The following DENND4A variants were observed in gnomAD, a reference collection of about 807,000 sequenced individuals.
The protein encoded by DENND4A is C-myc promoter-binding protein.
A neutral mutation model predicts 199.3 loss-of-function variants in DENND4A; 70 were observed. The observed-to-expected ratio is 0.35, with a 90% CI of 0.29 to 0.43. The LOEUF is 0.43. Ranked by LOEUF, DENND4A falls within the 20% of genes least tolerant of loss-of-function variation. The pLI, the probability that DENND4A is intolerant of heterozygous loss-of-function variation, is 1.00. For missense variants in DENND4A, 1,723 were observed against 2,255.8 expected (o/e 0.76, Z 4.78); for synonymous variants, 686 against 766.9 (o/e 0.89, Z 1.74).
chr15:65,673,487 A>C (rs1851886998), intron 24 of DENND4A, among the ~76,000 whole-genome samples: 2 of 151,750 alleles, frequency 1.3e-5, no homozygotes, highest in Non-Finnish European at 2.9e-5. Flanking sequence ...TGATAAACAA[A>C]GGTTAAAAAA....
intron 11 of DENND4A, among the ~76,000 whole-genome samples, chr15:65,723,960 T>C (rs1385719497): frequency 6.6e-6 from 1 of 152,056 alleles, no homozygotes; most frequent in Non-Finnish European, 1.5e-5. Flanking sequence ...TACAACACAG[T>C]TGGTCTCTAA....
At chr15:65,750,990 T>C (rs1473052693) in intron 4 of DENND4A, among the ~76,000 whole-genome samples, 2 of 152,196 alleles carry the variant, frequency 1.3e-5, no homozygotes, top group East Asian at 3.8e-4. Flanking sequence ...TCTGTTCTTG[T>C]ATATCTAAAC....
chr15:65,761,105 A>G (rs1365653035), intron 2 of DENND4A, among the ~76,000 whole-genome samples: 1 of 152,220 alleles, frequency 6.6e-6, no homozygotes, highest in African/African-American at 2.4e-5. Flanking sequence ...AACGCAGGAA[A>G]TAACTACTAA....
chr15:65,766,132 T>A (rs2076978463), intron 1 of DENND4A, among the ~76,000 whole-genome samples: 1 of 151,368 alleles, frequency 6.6e-6, no homozygotes, highest in Non-Finnish European at 1.5e-5. Flanking sequence ...ACGCCTGTAG[T>A]CCCAGCTACT....
intron 7 of DENND4A, among the ~76,000 whole-genome samples, chr15:65,736,737 T>C (rs541565556): frequency 1.4e-4 from 21 of 152,276 alleles, no homozygotes; most frequent in Admixed American, 6.5e-4. Flanking sequence ...TACATATCTG[T>C]GGGAGGCCAG....
rs143433667 is a variant in DENND4A at position 65,688,780 on chromosome 15, C to T, written c.4179+1635G>A. ...TGTGACTGCCCTTGGGGCAAAGATG[C>T]ATGAGGAAAGGAAATGATAAACTCA... On this transcript the variant is annotated intron_variant, in intron 23 of 32. Transcript: ENST00000443035. 4.2e-3 allele frequency among the ~76,000 whole-genome samples: 638 copies of T among 152,316 alleles called. 6 individuals carry two copies. Among genetic ancestry groups the T allele is most frequent in the African/African-American group, 0.014 (599 of 41,564 alleles).
intron 1 of DENND4A, among the ~76,000 whole-genome samples, chr15:65,770,982 A>T (rs758000487): frequency 2.6e-5 from 4 of 152,222 alleles, no homozygotes; most frequent in Non-Finnish European, 5.9e-5. Context: ...GCGTAACTAA[A>T]ATATTCCATT....
intron 4 of DENND4A, among the ~76,000 whole-genome samples, chr15:65,746,369 C>CTCTTTTT (rs2076392238): frequency 2.0e-5 from 1 of 51,268 alleles, no homozygotes; most frequent in Non-Finnish European, 3.6e-5. Flanking sequence ...ACTTTTTTCT[C>CTCTTTTT]TTTTTTTTTT....
Position 65,696,393 on chromosome 15 carries a change from C to G in DENND4A, c.3055G>C (p.Ala1019Pro), listed in dbSNP as rs780066407. Residue 1019 changes from alanine (A) to proline (P), a missense_variant, in exon 22 of 33, where the codon GCT becomes CCT. Physicochemically the swap from Ala to Pro is conservative, Grantham distance 27. Around this residue, in one of 6 missense-constraint regions of DENND4A, gnomAD observed 650 missense variants for 738.1 expected, o/e 0.88. Transcript: ENST00000443035. ...VRLTGTSNNS[A>P]GKISGESMES... Reference sequence around the variant, plus strand: ...ATGCTTTCTCCTGATATTTTACCAGCACTGTTGTTACTTGTACCAGTGAGG... The same window carrying G: ...ATGCTTTCTCCTGATATTTTACCAGGACTGTTGTTACTTGTACCAGTGAGG... 1.9e-6 allele frequency: 3 copies of G among 1,612,262 alleles called. No individual in the cohort carries two copies. The highest frequency in any genetic ancestry group is 2.5e-6 in the Non-Finnish European group (3 of 1,178,856).
intron 1 of DENND4A, among the ~76,000 whole-genome samples, chr15:65,782,682 A>G (rs2077464133): frequency 6.6e-6 from 1 of 152,202 alleles, no homozygotes; most frequent in Non-Finnish European, 1.5e-5. Flanking sequence ...ATAAATGGGC[A>G]AAATAATTAT....
At chr15:65,722,325 C>G (rs571904482) in intron 12 of DENND4A, among the ~76,000 whole-genome samples, 4 of 152,010 alleles carry the variant, frequency 2.6e-5, no homozygotes, top group Non-Finnish European at 5.9e-5. Context: ...ATTAGCCAGG[C>G]GTAGTGCCTC....
At chr15:65,778,897 A>G (rs1481006571) in intron 1 of DENND4A, among the ~76,000 whole-genome samples, 1 of 150,790 alleles carries the variant, frequency 6.6e-6, no homozygotes, top group Non-Finnish European at 1.5e-5. Context: ...CCGCATCAAA[A>G]AAAAAAAAAA....
Position 65,670,054 on chromosome 15 carries a change from G to C in DENND4A, c.4599C>G (p.Pro1533=). 1 of 1,599,038 alleles carries C rather than the reference G, an allele frequency of 6.3e-7. No individual in the cohort carries two copies. Among genetic ancestry groups the C allele is most frequent in the Non-Finnish European group, 8.5e-7 (1 of 1,172,190 alleles). Residue 1533 remains proline, a synonymous_variant, in exon 26 of 33, where the codon CCC becomes CCG. Coordinates refer to ENST00000443035, the MANE Select transcript of DENND4A (RefSeq NM_001320835.1). ...AATCTCTTATTTCTATATTCAGAAAGGGTAAGAAGATATTGCCACAGAATG... is the reference window on the plus strand; with the variant it reads ...AATCTCTTATTTCTATATTCAGAAACGGTAAGAAGATATTGCCACAGAATG... ...TCPFCGNIFL[P]FLNIEIRDLR...
intron 5 of DENND4A, among the ~76,000 whole-genome samples, chr15:65,740,905 T>C (rs2076243978): frequency 6.6e-6 from 1 of 152,144 alleles, no homozygotes; most frequent in South Asian, 2.1e-4. Flanking sequence ...GAGGTTGCAG[T>C]GAGCTACAAT....
At chr15:65,706,487 CACACACACATAT>C (rs756642250) in intron 14 of DENND4A, among the ~76,000 whole-genome samples, 2 of 92,118 alleles carry the variant, frequency 2.2e-5, no homozygotes, top group African/African-American at 9.5e-5. Context: ...CACACACACA[CACACACACATAT>C]ATATATATAT....
intron 9 of DENND4A, 97 bp from the exon 10 acceptor site, chr15:65,729,775 T>G (rs2075904791): frequency 1.8e-6 from 2 of 1,113,276 alleles, no homozygotes; most frequent in African/African-American, 3.2e-5. Flanking sequence ...GAGTAGGATT[T>G]GTATTATATA....
Position 65,691,506 on chromosome 15 carries a change from T to C in DENND4A, c.3088A>G (p.Thr1030Ala). 2 of 1,576,992 alleles carry C rather than the reference T, an allele frequency of 1.3e-6. No homozygotes were observed. Among genetic ancestry groups the C allele is most frequent in the Non-Finnish European group, 1.7e-6 (2 of 1,163,930 alleles). Reference sequence around the variant, plus strand: ...GATGATATTAAGAGCAGCTCAGGTGTGCTTTCTGAAAAACAAGTAAAGTGC... The same window carrying C: ...GATGATATTAAGAGCAGCTCAGGTGCGCTTTCTGAAAAACAAGTAAAGTGC... Reference protein sequence around the residue: ...GKISGESMESTPELLLISSLE... With the variant: ...GKISGESMESAPELLLISSLE... Residue 1030 changes from threonine to alanine, a missense_variant, in exon 23 of 33, where the codon ACA (threonine) becomes GCA (alanine). Thr to Ala is a moderately conservative substitution (Grantham distance 58, BLOSUM62 0). Around this residue, in one of 6 missense-constraint regions of DENND4A, gnomAD observed 650 missense variants for 738.1 expected, o/e 0.88. Transcript: ENST00000443035.
At position 65,670,012 on chromosome 15, in the gene DENND4A, C is replaced by G; in HGVS notation, c.4640+1G>C. ...AACATGAAGGAAAAAAATATCATTA[C>G]CTTCCAGGTCGTCTTAAATCTCTTA... On this transcript the variant is annotated splice_donor_variant, in intron 26 of 32. Coordinates refer to ENST00000443035, the MANE Select transcript of DENND4A (RefSeq NM_001320835.1). LOFTEE classifies it high-confidence loss of function. The G allele has an allele frequency of 1.3e-6, 2 of 1,589,702 alleles. No individual in the cohort carries two copies. The highest frequency in any genetic ancestry group is 1.7e-6 in the Non-Finnish European group (2 of 1,166,682).
chr15:65,726,346 T>G (rs2075802691), intron 11 of DENND4A, among the ~76,000 whole-genome samples: 1 of 152,182 alleles, frequency 6.6e-6, no homozygotes, highest in East Asian at 1.9e-4. Flanking sequence ...CTCTTACCAC[T>G]GTTAATTTCA....
Sources: gnomAD v4.1 joint callset for allele counts (sites outside exome capture counted in the v4.1 genomes callset) on GRCh38, gnomAD v4.1.1 for gene constraint, gnomAD v4.1.1 regional missense constraint, MANE v1.5 for transcripts, NCBI Gene and HGNC (gene_info 2026-07-23, HGNC 2026-07-21) for gene names.